PTPN13: variants seen among roughly 807,000 people sequenced by gnomAD.
PTPN13 encodes the protein tyrosine-protein phosphatase non-receptor type 13.
PTPN13 carries 191 observed loss-of-function variants against 284.0 expected under a neutral mutation model. That is an observed-to-expected ratio of 0.67 (90% confidence interval 0.60 to 0.76). PTPN13 has a LOEUF of 0.76. PTPN13 is among the 30% of genes least tolerant of loss of function. The pLI is 0.00. For synonymous variants in PTPN13, 986 were observed against 1,022.3 expected, an observed-to-expected ratio of 0.96 and a Z score of 0.68; for missense variants, 2,797 against 2,939.9, an observed-to-expected ratio of 0.95 and a Z score of 1.12.
At chr4:86,732,552 T>A in intron 11 of PTPN13, 40 bp from the exon 12 acceptor site, 1 of 1,598,432 alleles carries the variant, frequency 6.3e-7, no homozygotes, top group South Asian at 1.1e-5. Context: ...ATTCTTATAA[T>A]GCTTATTTTA....
chr4:86,741,645 A>T lies in PTPN13; in HGVS notation c.2316A>T (p.Arg772Ser), dbSNP rs1736182919. Reference protein sequence around the residue: ...TELEFLKVCQRLTEYGVHFHR... With the variant: ...TELEFLKVCQSLTEYGVHFHR... Reference sequence around the variant, plus strand: ...TATTATTCCAACAGGTCTGCCAAAGACTGACAGAATATGGAGTTCATTTTC... The same window carrying T: ...TATTATTCCAACAGGTCTGCCAAAGTCTGACAGAATATGGAGTTCATTTTC... The change falls in exon 16 of 48, where the codon AGA (arginine) becomes AGT (serine). Residue 772 changes from arginine (R) to serine (S), a missense_variant. Physicochemically the swap from Arg to Ser is moderately radical, Grantham distance 110. Transcript: ENST00000411767. The T allele has an allele frequency of 2.5e-6, 4 of 1,612,668 alleles. No homozygotes were observed. Among genetic ancestry groups the T allele is most frequent in the Non-Finnish European group, 3.4e-6 (4 of 1,178,972 alleles).
At chr4:86,729,974 G>C (rs1734752100) in intron 10 of PTPN13, among the ~76,000 whole-genome samples, 1 of 149,434 alleles carries the variant, frequency 6.7e-6, no homozygotes, top group South Asian at 2.1e-4. Flanking sequence ...ATTTACCTTT[G>C]GTCTTTGATG....
intron 1 of PTPN13, among the ~76,000 whole-genome samples, chr4:86,595,173 C>G (rs1185886991): frequency 6.6e-6 from 1 of 151,952 alleles, no homozygotes; most frequent in Admixed American, 6.5e-5. Flanking sequence ...GGGAAGGGCT[C>G]CCGGAGTCTG....
intron 5 of PTPN13, chr4:86,689,652 T>A (rs1729818448): frequency 1.4e-6 from 1 of 702,286 alleles, no homozygotes. Context: ...TTTCCCTTCT[T>A]CTCGGAACAC....
In PTPN13 at chr4:86,769,772, A is replaced by G. The variant is rs1250466324; in HGVS notation, c.4493A>G (p.Asn1498Ser). ...VKDYSFVTEE[N>S]TFEVKLFKNS... ...TTTTTTATATCTTTTTCTCCAGAAAATACATTTGAGGTAAAATTATTTAAA... is the reference window on the plus strand; with the variant it reads ...TTTTTTATATCTTTTTCTCCAGAAAGTACATTTGAGGTAAAATTATTTAAA... The change falls in exon 29 of 48, where the codon AAT becomes AGT. Residue 1498 changes from asparagine to serine, a missense_variant. By Grantham distance (46) the Asn-to-Ser change is conservative. Coordinates refer to ENST00000411767, the MANE Select transcript of PTPN13 (RefSeq NM_080683.3). The G allele has an allele frequency of 1.9e-6, 3 of 1,581,198 alleles. No individual in the cohort carries two copies. In the African/African-American group the frequency reaches 4.1e-5, roughly 22 times the overall value.
intron 23 of PTPN13, among the ~76,000 whole-genome samples, chr4:86,760,823 C>G (rs1285891084): frequency 6.6e-6 from 1 of 151,850 alleles, no homozygotes; most frequent in Non-Finnish European, 1.5e-5. Flanking sequence ...TGAATCTTAT[C>G]ATGGTATGTA....
intron 28 of PTPN13, among the ~76,000 whole-genome samples, chr4:86,768,335 A>G (rs905520039): frequency 2.0e-5 from 3 of 152,192 alleles, no homozygotes; most frequent in Non-Finnish European, 4.4e-5. Flanking sequence ...TTTCTATTTA[A>G]TTTAATTTTA....
chr4:86,812,987 C>T (rs968370073), intron 47 of PTPN13, among the ~76,000 whole-genome samples: 5 of 151,834 alleles, frequency 3.3e-5, no homozygotes, highest in South Asian at 2.1e-4. Context: ...AGAAACAGGA[C>T]GTGATGTGAA....
chr4:86,788,519 C>T (rs35982123), intron 40 of PTPN13, among the ~76,000 whole-genome samples: 15,146 of 152,178 alleles, frequency 0.1, 874 homozygotes, highest in Non-Finnish European at 0.11. Context: ...TATCTTCTTA[C>T]AGAAGAAAGA....
intron 2 of PTPN13, among the ~76,000 whole-genome samples, chr4:86,660,880 C>T (rs945892614): frequency 1.3e-5 from 2 of 152,082 alleles, no homozygotes; most frequent in African/African-American, 2.4e-5. Flanking sequence ...TTTAAATAGC[C>T]ATGCAGTTAG....
At chr4:86,602,956 C>T (rs548511488) in intron 1 of PTPN13, among the ~76,000 whole-genome samples, 8 of 152,132 alleles carry the variant, frequency 5.3e-5, no homozygotes, top group Non-Finnish European at 1.0e-4. Flanking sequence ...GCCTCAGCCT[C>T]TTAAGGTGTT....
At chr4:86,638,524 A>C (rs1723339175) in intron 2 of PTPN13, among the ~76,000 whole-genome samples, 1 of 152,172 alleles carries the variant, frequency 6.6e-6, no homozygotes, top group Admixed American at 6.5e-5. Context: ...AAATAATGCC[A>C]CATATCTACA....
At chr4:86,646,315 A>G (rs1156466139) in intron 2 of PTPN13, among the ~76,000 whole-genome samples, 1 of 139,608 alleles carries the variant, frequency 7.2e-6, no homozygotes, top group Admixed American at 7.1e-5. Flanking sequence ...TTTTTTTTTT[A>G]AAGACAGAAT....
At chr4:86,753,215 A>G (rs1737589224) in intron 20 of PTPN13, 150 bp downstream of exon 20, 1 of 512,666 alleles carries the variant, frequency 2.0e-6, no homozygotes, top group Non-Finnish European at 3.4e-6. Flanking sequence ...TTTCAGCATC[A>G]TAATGATGTA....
chr4:86,797,453 CTG>C (rs981829825), intron 41 of PTPN13, among the ~76,000 whole-genome samples: 23 of 151,750 alleles, frequency 1.5e-4, no homozygotes, highest in Admixed American at 1.4e-3. Context: ...GATCGCGCCA[CTG>C]TACTCCAGCC....
At chr4:86,734,600 C>T (rs7698481) in intron 13 of PTPN13, 137 bp from the exon 14 acceptor site, 143,650 of 1,266,274 alleles carry the variant, frequency 0.11, 9,583 homozygotes, top group African/African-American at 0.26. Flanking sequence ...CACAGTTTAT[C>T]TAATCCTTAT....
chr4:86,673,114 C>T (rs1049118530), intron 3 of PTPN13, among the ~76,000 whole-genome samples: 1 of 152,166 alleles, frequency 6.6e-6, no homozygotes, highest in African/African-American at 2.4e-5. Flanking sequence ...CAGGTGGTAA[C>T]GTTCACTTGC....
At chr4:86,743,916 C>A (rs191677008) in intron 16 of PTPN13, among the ~76,000 whole-genome samples, 1 of 152,278 alleles carries the variant, frequency 6.6e-6, no homozygotes, top group Admixed American at 6.5e-5. Flanking sequence ...TCTAACTGGA[C>A]TTAAGTGGTT....
At chr4:86,696,477 A>G (rs1445142404) in intron 6 of PTPN13, among the ~76,000 whole-genome samples, 3 of 152,000 alleles carry the variant, frequency 2.0e-5, no homozygotes, top group Non-Finnish European at 2.9e-5. Flanking sequence ...TTATTGGACC[A>G]TTTTCTTATT....
Sources: gnomAD v4.1 joint callset for allele counts (sites outside exome capture counted in the v4.1 genomes callset) on GRCh38, gnomAD v4.1.1 for gene constraint, MANE v1.5 for transcripts, NCBI Gene and HGNC (gene_info 2026-07-23, HGNC 2026-07-21) for gene names.